The following SCN1A variants were observed in gnomAD, a reference collection of about 807,000 sequenced individuals.
SCN1A encodes sodium voltage-gated channel alpha subunit 1, also known as sodium channel protein type 1 subunit alpha.
SCN1A carries 13 observed loss-of-function variants against 193.7 expected under a neutral mutation model. That is an observed-to-expected ratio of 0.07 (90% confidence interval 0.04 to 0.11). SCN1A has a LOEUF of 0.11. Ranked by LOEUF, SCN1A falls within the 10% of genes least tolerant of loss-of-function variation. SCN1A has a pLI of 1.00. For synonymous variants in SCN1A, 781 were observed against 843.6 expected, an observed-to-expected ratio of 0.93 and a Z score of 1.29; for missense variants, 1,432 against 2,451.1, an observed-to-expected ratio of 0.58 and a Z score of 8.78.
At chr2:166,022,329 A>G (rs1023546652) in intron 19 of SCN1A, among the ~76,000 whole-genome samples, 2 of 151,822 alleles carry the variant, frequency 1.3e-5, no homozygotes, top group African/African-American at 4.9e-5. Flanking sequence ...GCAAAGAGCT[A>G]TTATTTTAAA....
intron 2 of SCN1A, among the ~76,000 whole-genome samples, chr2:166,118,755 A>G (rs1415799967): frequency 6.6e-6 from 1 of 152,172 alleles, no homozygotes. Flanking sequence ...TTAGATTGAA[A>G]TATGTATGTG....
intron 3 of SCN1A, among the ~76,000 whole-genome samples, chr2:166,077,364 A>T (rs1417365986): frequency 6.6e-6 from 1 of 151,936 alleles, no homozygotes; most frequent in Non-Finnish European, 1.5e-5. Flanking sequence ...AAGCTCAACA[A>T]TAAGAAAATG....
At position 166,070,128 on chromosome 2, in the gene SCN1A, A is replaced by G. The variant is rs139448279; in HGVS notation, c.264+3230T>C. Among the ~76,000 whole-genome samples the G allele has an allele frequency of 4.2e-3, 644 of 152,348 alleles. 6 individuals carry two copies. Among genetic ancestry groups the G allele is most frequent in the African/African-American group, 0.014 (597 of 41,588 alleles). On this transcript the variant is annotated intron_variant, in intron 4 of 28. Coordinates refer to ENST00000674923, the MANE Select transcript of SCN1A (RefSeq NM_001165963.4). ...AATACTGAAATAATCCAATTAGAAA[A>G]GAAAATTAAAGGCAGAAAAAAGTGT...
chr2:166,107,546 A>G (rs1036505114), intron 2 of SCN1A, among the ~76,000 whole-genome samples: 1 of 152,220 alleles, frequency 6.6e-6, no homozygotes, highest in Admixed American at 6.5e-5. Flanking sequence ...GAAAGTATGA[A>G]TTTTATAGTG....
chr2:166,147,447 C>G (rs1692368211), intron 1 of SCN1A, among the ~76,000 whole-genome samples: 1 of 152,066 alleles, frequency 6.6e-6, no homozygotes, highest in African/African-American at 2.4e-5. Flanking sequence ...AGAAGAATCC[C>G]TTTTAGCAAT....
intron 19 of SCN1A, among the ~76,000 whole-genome samples, chr2:166,029,982 A>T (rs1695331092): frequency 6.6e-6 from 1 of 152,166 alleles, no homozygotes; most frequent in Non-Finnish European, 1.5e-5. Context: ...TTTCAGGACT[A>T]AGCAGGAGGA....
intron 23 of SCN1A, chr2:166,009,256 A>G (rs1236544340): frequency 6.6e-6 from 1 of 151,536 alleles, no homozygotes; most frequent in African/African-American, 2.4e-5. Context: ...TATACAGACA[A>G]AAGTTTTAAC....
chr2:166,071,539 A>G (rs1574360713), intron 4 of SCN1A: 1 of 152,052 alleles, frequency 6.6e-6, no homozygotes, highest in East Asian at 1.9e-4. Context: ...TTTTAAATGT[A>G]ATTTAGATTT....
intron 14 of SCN1A, among the ~76,000 whole-genome samples, chr2:166,043,079 T>G (rs1697360747): frequency 6.6e-6 from 1 of 152,218 alleles, no homozygotes; most frequent in African/African-American, 2.4e-5. Flanking sequence ...TGAGTATACA[T>G]CCACAAACAC....
chr2:166,015,290 G>A (rs1019707871), intron 20 of SCN1A, among the ~76,000 whole-genome samples: 2 of 151,870 alleles, frequency 1.3e-5, no homozygotes, highest in South Asian at 4.1e-4. Context: ...GGCAAATTCT[G>A]TGTAGGATCA....
At chr2:166,094,345 A>G (rs1234345892) in intron 2 of SCN1A, among the ~76,000 whole-genome samples, 1 of 152,194 alleles carries the variant, frequency 6.6e-6, no homozygotes, top group Non-Finnish European at 1.5e-5. Context: ...TAAATGATCA[A>G]TTTAGACCCC....
Position 166,046,828 on chromosome 2 carries a change from T to A in SCN1A, c.1319A>T (p.Lys440Ile). The change falls in exon 12 of 29, where the codon AAA (lysine) becomes ATA (isoleucine). Residue 440 changes from lysine to isoleucine, a missense_variant. By Grantham distance (102) the Lys-to-Ile change is moderately radical. Transcript: ENST00000674923. ...NQATLEEAEQKEAEFQQMIEQ... is the reference protein window; with the variant it reads ...NQATLEEAEQIEAEFQQMIEQ... ...AATCATCTGCTGAAATTCGGCCTCT[T>A]TCTGTTCTGCTTCTTCCAAGGTGGC... The A allele has an allele frequency of 3.1e-6, 5 of 1,613,938 alleles. No individual in the cohort carries two copies. Among genetic ancestry groups the A allele is most frequent in the Non-Finnish European group, 4.2e-6 (5 of 1,179,888 alleles).
chr2:166,113,879 T>A (rs1225346941), intron 2 of SCN1A, among the ~76,000 whole-genome samples: 1 of 152,164 alleles, frequency 6.6e-6, no homozygotes. Context: ...CAAAAATTTT[T>A]AAAATTGATA....
intron 1 of SCN1A, among the ~76,000 whole-genome samples, chr2:166,135,863 A>T (rs116729644): frequency 1.6e-4 from 25 of 152,324 alleles, no homozygotes; most frequent in African/African-American, 5.8e-4. Flanking sequence ...CATATCAAAT[A>T]GCAGAGAACT....
intron 15 of SCN1A, 52 bp from the exon 16 acceptor site, chr2:166,041,521 C>G: frequency 8.7e-7 from 1 of 1,155,236 alleles, no homozygotes; most frequent in South Asian, 1.3e-5. Context: ...ACTTTATACA[C>G]ACACATTTAT....
intron 2 of SCN1A, among the ~76,000 whole-genome samples, chr2:166,103,737 A>C (rs1688392895): frequency 6.6e-6 from 1 of 152,198 alleles, no homozygotes; most frequent in South Asian, 2.1e-4. Flanking sequence ...AAAAAATACC[A>C]TAAAGAACAC....
intron 2 of SCN1A, among the ~76,000 whole-genome samples, chr2:166,088,585 A>AT (rs1332704327): frequency 6.6e-6 from 1 of 152,214 alleles, no homozygotes; most frequent in African/African-American, 2.4e-5. Flanking sequence ...CTTATAAATA[A>AT]TTTAAATACT....
upstream of SCN1A, among the ~76,000 whole-genome samples, chr2:166,132,309 G>A (rs1478120264): frequency 6.6e-6 from 1 of 151,986 alleles, no homozygotes; most frequent in Non-Finnish European, 1.5e-5. Flanking sequence ...GCACACTACT[G>A]ATGTGATCCT....
intron 19 of SCN1A, among the ~76,000 whole-genome samples, chr2:166,034,343 A>C (rs537428496): frequency 6.6e-6 from 1 of 152,304 alleles, no homozygotes; most frequent in South Asian, 2.1e-4. Context: ...TAAATACTTG[A>C]AGCATCTTTT....
Sources: allele counts gnomAD v4.1 joint callset (sites outside exome capture counted in the v4.1 genomes callset), GRCh38; gene constraint gnomAD v4.1.1; transcripts MANE v1.5; gene names NCBI Gene and HGNC (gene_info 2026-07-23, HGNC 2026-07-21).